SRFBP1: variants seen among roughly 807,000 people sequenced by gnomAD.
SRFBP1 encodes serum response factor-binding protein 1.
Under a neutral mutation model 45.5 loss-of-function variants are expected in SRFBP1, and 47 were observed. The ratio of observed to expected loss-of-function variants is 1.03; its 90% CI spans 0.82 to 1.32. SRFBP1 has a LOEUF of 1.32. SRFBP1 is among the 40% of genes most tolerant of loss of function. The probability of loss-of-function intolerance (pLI) is 0.00; values close to 1 mark genes in which losing one functional copy is unlikely to be tolerated. For missense variants in SRFBP1, 621 were observed against 484.6 expected, an observed-to-expected ratio of 1.28 and a Z score of -2.64; for synonymous variants, 203 against 166.3, an observed-to-expected ratio of 1.22 and a Z score of -1.70.
chr5:122,034,748 A>G (rs1753661747), intron 2 of SRFBP1, among the ~76,000 whole-genome samples: 1 of 151,984 alleles, frequency 6.6e-6, no homozygotes, highest in Admixed American at 6.5e-5. Flanking sequence ...TTGTTTGAAT[A>G]AAGTTTATTT....
intron 2 of SRFBP1, among the ~76,000 whole-genome samples, chr5:122,054,206 A>G (rs761748074): frequency 2.6e-5 from 4 of 152,176 alleles, no homozygotes; most frequent in African/African-American, 4.8e-5. Flanking sequence ...TCCCTGCCTC[A>G]GTCTGGGAGT....
chr5:122,078,059 G>T, downstream of SRFBP1: 1 of 1,339,556 alleles, frequency 7.5e-7, no homozygotes, highest in East Asian at 2.9e-5. Context: ...CTCAAATCAC[G>T]TGAGGGAAGG....
At chr5:122,066,682 A>G (rs553115860) in intron 2 of SRFBP1, 2 of 1,433,876 alleles carry the variant, frequency 1.4e-6, no homozygotes, top group Non-Finnish European at 2.0e-6. Context: ...AAGTTAGTCT[A>G]TTTTTTCCCA....
downstream of SRFBP1, among the ~76,000 whole-genome samples, chr5:122,031,663 C>G (rs1275391974): frequency 6.6e-6 from 1 of 151,948 alleles, no homozygotes; most frequent in African/African-American, 2.4e-5. Flanking sequence ...CATACATGCC[C>G]AAGAGAATTG....
chr5:122,029,827 G>T (rs1379140436), downstream of SRFBP1, among the ~76,000 whole-genome samples: 2 of 152,092 alleles, frequency 1.3e-5, no homozygotes, highest in Non-Finnish European at 2.9e-5. Context: ...TCCAGTCCAT[G>T]GATTTTTAAA....
chr5:121,980,176 A>G (rs917865263), intron 3 of SRFBP1, among the ~76,000 whole-genome samples: 2 of 152,134 alleles, frequency 1.3e-5, no homozygotes, highest in African/African-American at 4.8e-5. Context: ...TTTGTGTTTC[A>G]TAATCTCTAA....
At chr5:122,045,385 T>A (rs2112735806) in intron 2 of SRFBP1, among the ~76,000 whole-genome samples, 1 of 152,308 alleles carries the variant, frequency 6.6e-6, no homozygotes, top group East Asian at 1.9e-4. Flanking sequence ...TTTCTAATCC[T>A]GCCAAAAATG....
rs560487594 is a variant in SRFBP1 at position 122,068,715 on chromosome 5, A to T, written n.312-6600A>T. On this transcript the variant is annotated intron_variant and non_coding_transcript_variant, in intron 2 of 2. Transcript: ENST00000504881. ...GTAATTAACTGAAAATAGTGTAATAAGGCTACAGCAGTATAGAGATTAGTA... is the reference window on the plus strand; with the variant it reads ...GTAATTAACTGAAAATAGTGTAATATGGCTACAGCAGTATAGAGATTAGTA... Among the ~76,000 whole-genome samples, 425 of 152,260 alleles carry T rather than the reference A, an allele frequency of 2.8e-3. 1 individual carries two copies. Among genetic ancestry groups the T allele is most frequent in the African/African-American group, 9.7e-3 (402 of 41,560 alleles).
In SRFBP1 at chr5:122,026,942, A is replaced by G; in HGVS notation, c.1106A>G (p.Asp369Gly). ...KEQAPKTRSL[D>G]FPQNEPQIKN... Reference sequence around the variant, plus strand: ...TATTATTTTTGCTTTCTCTTCCTAGATTTTCCACAGAATGAGCCTCAGATC... The same window carrying G: ...TATTATTTTTGCTTTCTCTTCCTAGGTTTTCCACAGAATGAGCCTCAGATC... The change falls in exon 8 of 8, where the codon GAT becomes GGT. Residue 369 changes from aspartate (D) to glycine (G), a missense_variant and splice_region_variant. Transcript: ENST00000339397. The G allele has an allele frequency of 6.2e-7, 1 of 1,602,190 alleles. No individual in the cohort carries two copies. Among genetic ancestry groups the G allele is most frequent in the South Asian group, 1.1e-5 (1 of 88,030 alleles).
downstream of SRFBP1, chr5:122,077,038 A>C: frequency 6.2e-7 from 1 of 1,607,200 alleles, no homozygotes; most frequent in Non-Finnish European, 8.5e-7. The surrounding 1 kb of genome is among the most constrained non-coding windows in gnomAD (Gnocchi z 4.9). Context: ...GCAGTGAAAC[A>C]ACCCGGCGCC....
chr5:122,022,484 G>A, intron 7 of SRFBP1, 77 bp downstream of exon 7: 1 of 1,289,578 alleles, frequency 7.8e-7, no homozygotes, highest in South Asian at 1.4e-5. Context: ...AGAAATTGTT[G>A]TTGCTTAATA....
At chr5:121,981,388 TC>T (rs1426652829) in intron 3 of SRFBP1, among the ~76,000 whole-genome samples, 1 of 151,916 alleles carries the variant, frequency 6.6e-6, no homozygotes, top group African/African-American at 2.4e-5. Context: ...ATAATAGACT[TC>T]CTGCCTCTGG....
chr5:121,975,369 A>C lies in SRFBP1; in HGVS notation c.180A>C (p.Glu60Asp). 6.2e-7 allele frequency: 1 copy of C among 1,613,376 alleles called. No homozygotes were observed. ...KNQRRAQRLL[E>D]EIHAMKELKP... Reference sequence around the variant, plus strand: ...AAAGACGGGCGCAAAGATTGCTTGAAGAAATCCATGCCATGAAGGTAAGGA... The same window carrying C: ...AAAGACGGGCGCAAAGATTGCTTGACGAAATCCATGCCATGAAGGTAAGGA... Residue 60 changes from glutamate to aspartate, a missense_variant, in exon 3 of 8, where the codon GAA (glutamate) becomes GAC (aspartate). Coordinates refer to ENST00000339397, the MANE Select transcript of SRFBP1 (RefSeq NM_152546.3).
chr5:122,032,881 C>T (rs1247949592), downstream of SRFBP1, among the ~76,000 whole-genome samples: 1 of 152,100 alleles, frequency 6.6e-6, no homozygotes, highest in Non-Finnish European at 1.5e-5. Context: ...GGTTTGTATG[C>T]CCACTGCAGT....
downstream of SRFBP1, chr5:122,076,939 A>C (rs1244368125): frequency 6.2e-7 from 1 of 1,613,850 alleles, no homozygotes; most frequent in Admixed American, 1.7e-5. Flanking sequence ...TTGTACATGG[A>C]CATCTTCTGC....
At chr5:122,061,742 T>A (rs1754173251) in intron 2 of SRFBP1, among the ~76,000 whole-genome samples, 2 of 151,916 alleles carry the variant, frequency 1.3e-5, no homozygotes, top group African/African-American at 4.8e-5. Context: ...GAAAGACATA[T>A]TTTTTTCTAA....
rs985322610 is a variant in SRFBP1, at chr5:122,027,441, C to G, written c.*315C>G. The G allele has an allele frequency of 9.0e-5, 15 of 166,860 alleles. No individual in the cohort carries two copies. Among genetic ancestry groups the G allele is most frequent in the Non-Finnish European group, 1.9e-4 (15 of 77,854 alleles). The allele number at this position is 166,860 out of a possible 1,614,324, so 10.3% of individuals were successfully genotyped here. A position where few individuals can be genotyped will look rare whatever the true frequency, so the allele number is the denominator to read the frequency against. On this transcript the variant is annotated 3_prime_UTR_variant, in exon 8 of 8. Coordinates refer to ENST00000339397, the MANE Select transcript of SRFBP1 (RefSeq NM_152546.3). ...TTTTTTAAAGTAAATTCAACTTACG[C>G]TTATATAAGCCTTTCACAAATCCAA...
At chr5:121,969,297 A>T (rs1031621204) in intron 1 of SRFBP1, among the ~76,000 whole-genome samples, 1 of 152,140 alleles carries the variant, frequency 6.6e-6, no homozygotes, top group African/African-American at 2.4e-5. Flanking sequence ...GGTATGTAGA[A>T]ATACAGAAAG....
intron 2 of SRFBP1, among the ~76,000 whole-genome samples, chr5:122,054,138 A>T (rs1754036630): frequency 6.6e-6 from 1 of 152,194 alleles, no homozygotes; most frequent in Admixed American, 6.5e-5. Flanking sequence ...TCCAGGGCCC[A>T]AAGCTTGTAG....
Sources: allele counts gnomAD v4.1 joint callset (sites outside exome capture counted in the v4.1 genomes callset), GRCh38; gene constraint gnomAD v4.1.1; non-coding constraint Gnocchi (gnomAD v3.1); transcripts MANE v1.5; gene names NCBI Gene and HGNC (gene_info 2026-07-23, HGNC 2026-07-21).